The following ARHGAP24 variants were observed in gnomAD, a reference collection of about 807,000 sequenced individuals.
The protein encoded by ARHGAP24 is rho GTPase-activating protein 24.
A neutral mutation model predicts 76.4 loss-of-function variants in ARHGAP24; 50 were observed. The ratio of observed to expected loss-of-function variants is 0.65; its 90% CI spans 0.52 to 0.83. The LOEUF is 0.83. ARHGAP24 is among the 40% of genes least tolerant of loss of function. ARHGAP24 has a pLI of 0.00. For missense variants in ARHGAP24, 930 were observed against 914.2 expected (o/e 1.02, Z -0.22); for synonymous variants, 345 against 323.3 (o/e 1.07, Z -0.72).
chr4:85,957,429 G>A (rs901249984), intron 5 of ARHGAP24, among the ~76,000 whole-genome samples: 10 of 152,138 alleles, frequency 6.6e-5, no homozygotes, highest in Admixed American at 5.2e-4. Flanking sequence ...TGACCCTAAG[G>A]CCCTCTGTTG....
intron 1 of ARHGAP24, among the ~76,000 whole-genome samples, chr4:85,497,235 C>T (rs1333569277): frequency 6.6e-6 from 1 of 152,164 alleles, no homozygotes; most frequent in African/African-American, 2.4e-5. Context: ...CTGACAAGCC[C>T]AATCAGGGTA....
chr4:85,784,899 A>C (rs1727736293), intron 3 of ARHGAP24, among the ~76,000 whole-genome samples: 1 of 149,052 alleles, frequency 6.7e-6, no homozygotes, highest in Non-Finnish European at 1.5e-5. Flanking sequence ...GAAGATGATT[A>C]TATATCTCTA....
chr4:85,910,187 G>A (rs1233648419), intron 3 of ARHGAP24, among the ~76,000 whole-genome samples: 1 of 152,222 alleles, frequency 6.6e-6, no homozygotes, highest in Non-Finnish European at 1.5e-5. Context: ...GTGGTGCCCA[G>A]AAGCTTGAAA....
At chr4:85,909,761 A>C (rs1734974520) in intron 3 of ARHGAP24, among the ~76,000 whole-genome samples, 1 of 152,236 alleles carries the variant, frequency 6.6e-6, no homozygotes, top group African/African-American at 2.4e-5. Context: ...ATTTTAATTT[A>C]ATGAGGGTGT....
chr4:85,933,194 G>A (rs761059203), intron 4 of ARHGAP24, among the ~76,000 whole-genome samples: 18 of 152,124 alleles, frequency 1.2e-4, no homozygotes, highest in Admixed American at 2.6e-4. Flanking sequence ...AATGCAATAA[G>A]GAGAATGTGT....
At chr4:85,850,415 AT>A (rs1380265951) in intron 3 of ARHGAP24, among the ~76,000 whole-genome samples, 1 of 151,914 alleles carries the variant, frequency 6.6e-6, no homozygotes, top group Admixed American at 6.6e-5. Flanking sequence ...GGATTCATTG[AT>A]TTTTTTGAAG....
chr4:85,745,858 G>A (rs1352390698), intron 3 of ARHGAP24, among the ~76,000 whole-genome samples: 1 of 152,148 alleles, frequency 6.6e-6, no homozygotes, highest in East Asian at 1.9e-4. Flanking sequence ...TCCAAGTTCT[G>A]CAGATTATTC....
At chr4:85,752,166 C>A (rs1726289111) in intron 3 of ARHGAP24, among the ~76,000 whole-genome samples, 1 of 152,198 alleles carries the variant, frequency 6.6e-6, no homozygotes. Context: ...CTCACTCTGC[C>A]TTACAGGTGA....
intron 3 of ARHGAP24, among the ~76,000 whole-genome samples, chr4:85,813,958 G>T (rs1301648145): frequency 6.6e-6 from 1 of 151,710 alleles, no homozygotes; most frequent in African/African-American, 2.4e-5. Flanking sequence ...CGTGGCTGGG[G>T]AGGCCTCACA....
In ARHGAP24 at chr4:85,622,914, C is replaced by G. The variant is rs555641466; in HGVS notation, c.180+52193C>G. On this transcript the variant is annotated intron_variant, in intron 2 of 9. Transcript: ENST00000395184. ...TGTCTTCTTTTGAGAAGTGTCTGTT[C>G]ATATCCTTTGCCCACTTTTTGATGG... Among the ~76,000 whole-genome samples, 909 of 151,904 alleles carry G rather than the reference C, an allele frequency of 6.0e-3. 4 individuals carry two copies. The highest frequency in any genetic ancestry group is 8.9e-3 in the Non-Finnish European group (607 of 67,850).
intron 4 of ARHGAP24, among the ~76,000 whole-genome samples, chr4:85,937,191 A>C (rs1418431623): frequency 6.6e-6 from 1 of 152,144 alleles, no homozygotes; most frequent in Non-Finnish European, 1.5e-5. Flanking sequence ...ATCTAATCTA[A>C]TGCAGTGGTA....
intron 5 of ARHGAP24, among the ~76,000 whole-genome samples, chr4:85,952,236 A>G (rs1305187351): frequency 6.6e-6 from 1 of 152,216 alleles, no homozygotes; most frequent in Non-Finnish European, 1.5e-5. Context: ...ACATTATATC[A>G]TGGACATTTT....
chr4:85,504,951 A>G (rs868614378), intron 1 of ARHGAP24, among the ~76,000 whole-genome samples: 38 of 152,208 alleles, frequency 2.5e-4, no homozygotes, highest in African/African-American at 8.2e-4. Context: ...CTTGTTTGTA[A>G]AGGATTTTAT....
At position 85,893,107 on chromosome 4, in the gene ARHGAP24, AT is replaced by A. The variant is rs1208182616; in HGVS notation, c.269-30539del. ...CTCTTGTTGAATTGATCCCTTTACC[AT>A]TATGTAATGGCCTTCTTTGTCTCTT... On this transcript the variant is annotated intron_variant, in intron 3 of 9. Coordinates refer to ENST00000395184, the MANE Select transcript of ARHGAP24 (RefSeq NM_001025616.3). Among the ~76,000 whole-genome samples the A allele has an allele frequency of 5.5e-4, 13 of 23,704 alleles. No homozygotes were observed. In the East Asian group the frequency reaches 8.0e-3, roughly 15 times the overall value. 15.6% of individuals were successfully genotyped at this position (23,704 alleles called of 152,430 possible).
chr4:85,649,050 C>T (rs1018444155), intron 2 of ARHGAP24, among the ~76,000 whole-genome samples: 4 of 139,520 alleles, frequency 2.9e-5, no homozygotes, highest in African/African-American at 1.3e-4. Flanking sequence ...TGTGTGTGTG[C>T]TTATATTCTA....
chr4:85,538,499 T>C (rs1725559702), intron 1 of ARHGAP24, among the ~76,000 whole-genome samples: 2 of 152,150 alleles, frequency 1.3e-5, no homozygotes, highest in Admixed American at 1.3e-4. Context: ...TGGTGTGCAA[T>C]GGCCTCCAAG....
intron 6 of ARHGAP24, 103 bp from the exon 7 acceptor site, chr4:85,974,785 A>C (rs1739227995): frequency 1.0e-6 from 1 of 993,310 alleles, no homozygotes; most frequent in African/African-American, 1.6e-5. Context: ...CACTGATAAC[A>C]TGTGAAACTA....
chr4:85,494,826 C>T (rs1056062154), intron 1 of ARHGAP24, among the ~76,000 whole-genome samples: 4 of 151,688 alleles, frequency 2.6e-5, no homozygotes, highest in African/African-American at 9.7e-5. Context: ...TGGCCGGGCG[C>T]GATGGCTCAC....
intron 3 of ARHGAP24, among the ~76,000 whole-genome samples, chr4:85,754,359 T>C (rs1726392412): frequency 6.6e-6 from 1 of 152,230 alleles, no homozygotes; most frequent in Non-Finnish European, 1.5e-5. Flanking sequence ...TTCCGTATCT[T>C]GGTTATTAGG....
Sources: gnomAD v4.1 joint callset for allele counts (sites outside exome capture counted in the v4.1 genomes callset) on GRCh38, gnomAD v4.1.1 for gene constraint, MANE v1.5 for transcripts, NCBI Gene and HGNC (gene_info 2026-07-23, HGNC 2026-07-21) for gene names.